Variants in NUCB2 observed in about 807,000 individuals in gnomAD.
NUCB2 encodes the protein nucleobindin 2, also known as nucleobindin-2.
NUCB2 carries 48 observed loss-of-function variants against 57.9 expected under a neutral mutation model. The observed-to-expected ratio is 0.83, with a 90% CI of 0.66 to 1.05. The LOEUF (loss-of-function observed/expected upper bound fraction) is 1.05, where lower values mean the gene tolerates loss of function less well. Ranked by LOEUF, NUCB2 falls within the 50% of genes least tolerant of loss-of-function variation. NUCB2 has a pLI of 0.00. For synonymous variants in NUCB2, 139 were observed against 152.1 expected (o/e 0.91, Z 0.64); for missense variants, 442 against 476.2 (o/e 0.93, Z 0.67).
intron 6 of NUCB2, 75 bp from the exon 7 acceptor site, chr11:17,310,743 GTATGCTA>G (rs1948364823): frequency 5.6e-6 from 6 of 1,070,928 alleles, no homozygotes; most frequent in Non-Finnish European, 8.2e-6. Flanking sequence ...CTGTTCAAGA[GTATGCTA>G]TATTCAAGAA....
chr11:17,306,848 G>T (rs543085895), intron 5 of NUCB2, among the ~76,000 whole-genome samples: 11 of 151,248 alleles, frequency 7.3e-5, no homozygotes, highest in Non-Finnish European at 1.3e-4. Context: ...GGAGGCGGAG[G>T]TTGCAGTGAG....
intron 2 of NUCB2, among the ~76,000 whole-genome samples, chr11:17,290,081 G>A (rs542142247): frequency 6.6e-6 from 1 of 152,254 alleles, no homozygotes; most frequent in East Asian, 1.9e-4. Flanking sequence ...ACGTAACATG[G>A]CTTTGTCTAC....
At position 17,288,946 on chromosome 11, in the gene NUCB2, CACACATATAT is replaced by C. The variant is rs1467417371; in HGVS notation, c.-1+6005_-1+6014del. ...ACACACACACACACACACACACACA[CACACATATAT>C]ATATATATTTTTTTTTTTTGAGATG... On this transcript the variant is annotated intron_variant, in intron 2 of 13. Transcript: ENST00000529010. Among the ~76,000 whole-genome samples, 42 of 64,746 alleles carry C rather than the reference CACACATATAT, an allele frequency of 6.5e-4. 2 individuals are homozygous for C. The highest frequency in any genetic ancestry group is 1.0e-3 in the African/African-American group (9 of 8,916). The allele number at this position is 64,746 out of a possible 152,430, so 42.5% of individuals were successfully genotyped here.
chr11:17,282,236 CTATATATA>C (rs71457870), intron 1 of NUCB2, among the ~76,000 whole-genome samples: 1 of 104,082 alleles, frequency 9.6e-6, no homozygotes. Flanking sequence ...ATCTATCTAT[CTATATATA>C]TATATATATA....
intron 11 of NUCB2, among the ~76,000 whole-genome samples, chr11:17,327,016 C>G (rs1348395090): frequency 1.3e-5 from 2 of 152,022 alleles, no homozygotes; most frequent in African/African-American, 2.4e-5. Context: ...CCTGTCAGTA[C>G]TGCAAATATT....
In NUCB2 at chr11:17,342,158, T is replaced by C. The variant is rs1952324064; in HGVS notation, n.2626+4624T>C. Among the ~76,000 whole-genome samples the C allele has an allele frequency of 2.6e-5, 4 of 152,352 alleles. No individual in the cohort carries two copies. The South Asian group carries it at 6.2e-4, about 24-fold the overall frequency. On this transcript the variant is annotated intron_variant and non_coding_transcript_variant, in intron 2 of 2. Transcript: ENST00000532240. ...GTTTGTATTTCTGTGGGATCGGTGA[T>C]GATATCCCCTTTATCATTTTTTATT...
intron 2 of NUCB2, among the ~76,000 whole-genome samples, chr11:17,293,661 T>TG (rs1945321527): frequency 6.6e-6 from 1 of 152,212 alleles, no homozygotes; most frequent in African/African-American, 2.4e-5. Context: ...AGTTCATGAA[T>TG]GGATAAACAA....
chr11:17,320,196 C>CAT (rs1199867364), intron 11 of NUCB2, among the ~76,000 whole-genome samples: 1 of 152,146 alleles, frequency 6.6e-6, no homozygotes, highest in Non-Finnish European at 1.5e-5. Flanking sequence ...CTGCAATGAA[C>CAT]ATATGTGCCA....
chr11:17,348,759 C>T (rs1303218457), intron 2 of NUCB2, among the ~76,000 whole-genome samples: 2 of 151,798 alleles, frequency 1.3e-5, no homozygotes, highest in Non-Finnish European at 1.5e-5. Flanking sequence ...ATGTCCCATT[C>T]CTTTAATAGA....
chr11:17,298,979 G>A (rs761431844), intron 4 of NUCB2, among the ~76,000 whole-genome samples: 4 of 152,226 alleles, frequency 2.6e-5, no homozygotes, highest in South Asian at 2.1e-4. Context: ...GATTATAGGC[G>A]TGAGCCACCA....
chr11:17,344,564 A>T (rs936608166), intron 2 of NUCB2, among the ~76,000 whole-genome samples: 6 of 152,156 alleles, frequency 3.9e-5, no homozygotes, highest in Non-Finnish European at 5.9e-5. Flanking sequence ...CACCATTTTC[A>T]GTCTTAAAGT....
downstream of NUCB2, among the ~76,000 whole-genome samples, chr11:17,337,194 G>A (rs1335136232): frequency 6.6e-6 from 1 of 152,098 alleles, no homozygotes; most frequent in South Asian, 2.1e-4. Flanking sequence ...TCCTGCCTCA[G>A]CCCCCTAAAT....
At position 17,347,675 on chromosome 11, in the gene NUCB2, T is replaced by G. The variant is rs1337831561; in HGVS notation, n.2627-1670T>G. ...CAATACTGTCCTTTATAATAATTTT[T>G]TCATGATCCAGGATTTGTGTGTTGG... On this transcript the variant is annotated intron_variant and non_coding_transcript_variant, in intron 2 of 2. Transcript: ENST00000532240. Among the ~76,000 whole-genome samples the G allele has an allele frequency of 2.0e-5, 3 of 152,246 alleles. No individual in the cohort carries two copies. In the East Asian group the frequency reaches 5.8e-4, roughly 29 times the overall value.
downstream of NUCB2, among the ~76,000 whole-genome samples, chr11:17,336,670 C>T (rs532732335): frequency 3.1e-5 from 4 of 129,958 alleles, no homozygotes; most frequent in South Asian, 2.7e-4. Context: ...AGGTGAATGG[C>T]GTGAACCCGG....
intron 11 of NUCB2, among the ~76,000 whole-genome samples, chr11:17,327,915 C>T (rs946518634): frequency 6.6e-6 from 1 of 152,140 alleles, no homozygotes; most frequent in Non-Finnish European, 1.5e-5. Flanking sequence ...TCTGGTTCTC[C>T]AGGATTGGAA....
chr11:17,335,065 C>T (rs904538588), downstream of NUCB2, among the ~76,000 whole-genome samples: 7 of 151,928 alleles, frequency 4.6e-5, no homozygotes, highest in South Asian at 2.1e-4. Flanking sequence ...TTATATACAG[C>T]TTTAAAAACC....
intron 2 of NUCB2, chr11:17,337,566 T>C (rs1449106553): frequency 6.6e-6 from 1 of 152,256 alleles, no homozygotes; most frequent in Non-Finnish European, 1.5e-5. Flanking sequence ...ATTTACTTTT[T>C]CATTCCTTAT....
At chr11:17,339,885 G>A (rs990971529) in intron 2 of NUCB2, among the ~76,000 whole-genome samples, 7 of 152,122 alleles carry the variant, frequency 4.6e-5, no homozygotes, top group Non-Finnish European at 1.0e-4. Flanking sequence ...GGATGGCTGG[G>A]TCAAATGGTA....
At chr11:17,339,416 A>G in intron 2 of NUCB2, among the ~76,000 whole-genome samples, 1 of 152,036 alleles carries the variant, frequency 6.6e-6, no homozygotes, top group Non-Finnish European at 1.5e-5. Context: ...TTTGTTACAT[A>G]TGTATACGTG....
Sources: allele counts gnomAD v4.1 joint callset (sites outside exome capture counted in the v4.1 genomes callset), GRCh38; gene constraint gnomAD v4.1.1; transcripts MANE v1.5; gene names NCBI Gene and HGNC (gene_info 2026-07-23, HGNC 2026-07-21).